The following DMXL1 variants were observed in gnomAD, a reference collection of about 807,000 sequenced individuals.
The protein encoded by DMXL1 is Dmx like 1, also known as dmX-like protein 1.
Under a neutral mutation model 319.2 loss-of-function variants are expected in DMXL1, and 99 were observed. That is an observed-to-expected ratio of 0.31 (90% CI 0.26 to 0.37). DMXL1 has a LOEUF of 0.37. Among genes scored for constraint, DMXL1 ranks in the 10% least tolerant of loss-of-function variants. DMXL1 has a pLI of 1.00. For synonymous variants in DMXL1, 1,385 were observed against 1,235.2 expected (o/e 1.12, Z -2.54); for missense variants, 3,745 against 3,595.6 (o/e 1.04, Z -1.06).
In DMXL1 at chr5:119,152,013, ATCGAGC is replaced by A; in HGVS notation, c.4682_4687del (p.Arg1561_Ala1562del). The A allele has an allele frequency of 1.2e-6, 2 of 1,612,232 alleles. No individual in the cohort carries two copies. Among genetic ancestry groups the A allele is most frequent in the Non-Finnish European group, 1.7e-6 (2 of 1,178,896 alleles). On this transcript the variant is annotated inframe_deletion, in exon 19 of 44. Transcript: ENST00000539542. The stretch of plus-strand genomic sequence containing the variant: ...TTTCTTACAACTTCCCTTCCAGCCT[ATCGAGC>A]TCAACTCCTTCACCAAGGTGATTTT...
chr5:119,197,419 G>A (rs1397543022), intron 31 of DMXL1, among the ~76,000 whole-genome samples: 3 of 152,218 alleles, frequency 2.0e-5, no homozygotes, highest in Admixed American at 1.3e-4. Context: ...CATGCAGCCT[G>A]TGGGCCATGG....
At chr5:119,097,514 A>G (rs924923601) in intron 1 of DMXL1, among the ~76,000 whole-genome samples, 2 of 151,966 alleles carry the variant, frequency 1.3e-5, no homozygotes, top group African/African-American at 4.8e-5. Flanking sequence ...TCAGGAGATC[A>G]AGACCATCCT....
At chr5:119,209,346 C>G (rs946578792) in intron 34 of DMXL1, among the ~76,000 whole-genome samples, 1 of 138,568 alleles carries the variant, frequency 7.2e-6, no homozygotes, top group African/African-American at 2.6e-5. Context: ...AAATCCCATT[C>G]TATTTTTTTT....
chr5:119,245,988 TTAGAG>T (rs941240550), intron 43 of DMXL1, among the ~76,000 whole-genome samples: 10 of 152,240 alleles, frequency 6.6e-5, no homozygotes, highest in Non-Finnish European at 1.2e-4. Context: ...AATGAATTTC[TTAGAG>T]TAAAGAAACG....
intron 13 of DMXL1, among the ~76,000 whole-genome samples, chr5:119,142,745 A>G (rs1227327697): frequency 6.6e-6 from 1 of 152,096 alleles, no homozygotes; most frequent in Non-Finnish European, 1.5e-5. Context: ...GCAAATGTTC[A>G]TTGCAGCATT....
intron 20 of DMXL1, 66 bp downstream of exon 20, chr5:119,164,742 C>G (rs554137603): frequency 1.4e-6 from 2 of 1,403,206 alleles, no homozygotes; most frequent in East Asian, 2.4e-5. Flanking sequence ...AATGGCATTT[C>G]ATATCTTCTC....
intron 2 of DMXL1, among the ~76,000 whole-genome samples, chr5:119,099,469 A>T (rs1259993398): frequency 6.6e-6 from 1 of 152,142 alleles, no homozygotes; most frequent in Non-Finnish European, 1.5e-5. Flanking sequence ...TTGGCCTCCC[A>T]AAGTGCTGGG....
Position 119,116,221 on chromosome 5 carries a change from G to A in DMXL1, c.628G>A (p.Asp210Asn). ...ENWRTAVTSP[D>N]GSSEKQSQGE... is the part of the protein sequence containing the mutation. The stretch of plus-strand genomic sequence containing the variant: ...CTGGCGGACAGCTGTTACTTCTCCA[G>A]ATGGAAGTTCAGAAAAACAATCCCA... Residue 210 changes from aspartate (D) to asparagine (N), a missense_variant, in exon 7 of 44, where the codon GAT becomes AAT. By Grantham distance (23) the Asp-to-Asn change is conservative (BLOSUM62 1). Coordinates refer to ENST00000539542, the MANE Select transcript of DMXL1 (RefSeq NM_001290321.3). 6.2e-7 allele frequency: 1 copy of A among 1,613,916 alleles called. No homozygotes were observed. The highest frequency in any genetic ancestry group is 8.5e-7 in the Non-Finnish European group (1 of 1,179,960).
rs1264160217 is a variant in DMXL1, at chr5:119,146,907, A to G, written c.2640A>G (p.Ser880=). The G allele has an allele frequency of 6.2e-7, 1 of 1,612,184 alleles. No individual in the cohort carries two copies. The highest frequency in any genetic ancestry group is 8.5e-7 in the Non-Finnish European group (1 of 1,178,878). Residue 880 remains serine (S), a synonymous_variant, in exon 16 of 44, where the codon TCA becomes TCG. Coordinates refer to ENST00000539542, the MANE Select transcript of DMXL1 (RefSeq NM_001290321.3). ...IVIECTQDNR[S]LLHMWNLHLK... ...TAGAATGCACTCAAGACAACCGTTC[A>G]CTGTTACACATGTGGAATTTACATC...
intron 1 of DMXL1, among the ~76,000 whole-genome samples, chr5:119,097,643 G>T (rs1756282013): frequency 6.6e-6 from 1 of 152,164 alleles, no homozygotes; most frequent in South Asian, 2.1e-4. Flanking sequence ...CGTGAACCTG[G>T]GAGGCGGAAC....
chr5:119,128,719 A>T (rs1173199019), intron 9 of DMXL1, among the ~76,000 whole-genome samples: 2 of 152,158 alleles, frequency 1.3e-5, no homozygotes, highest in Non-Finnish European at 2.9e-5. Flanking sequence ...ATATGGCTGT[A>T]CCTTTGAATT....
intron 1 of DMXL1, among the ~76,000 whole-genome samples, chr5:119,071,903 G>C (rs1749673945): frequency 6.6e-6 from 1 of 152,192 alleles, no homozygotes. Flanking sequence ...TTTTTGGTCT[G>C]TCTGCCTTGG....
At chr5:119,151,553 G>A (rs974644081) in intron 18 of DMXL1, among the ~76,000 whole-genome samples, 16 of 152,084 alleles carry the variant, frequency 1.1e-4, no homozygotes, top group African/African-American at 3.6e-4. Context: ...GTTTCTCCCA[G>A]TGTTAACAGC....
chr5:119,190,397 A>C (rs958279315), intron 29 of DMXL1, among the ~76,000 whole-genome samples: 1 of 152,226 alleles, frequency 6.6e-6, no homozygotes, highest in Non-Finnish European at 1.5e-5. Flanking sequence ...TCTAGAAATC[A>C]CTTCGTAAAT....
At chr5:119,202,221 C>T (rs1041594571) in intron 32 of DMXL1, among the ~76,000 whole-genome samples, 3 of 152,136 alleles carry the variant, frequency 2.0e-5, no homozygotes, top group South Asian at 2.1e-4. Flanking sequence ...GTGAATTTCC[C>T]TCTTAATGCT....
Position 119,115,584 on chromosome 5 carries a change from G to C in DMXL1, c.565-574G>C, listed in dbSNP as rs1760664700. ...CTGTTTATTCTGATTGACTTTACAGGTGGGAACTCAGTTATAGCTTAAAAG... is the reference window on the plus strand; with the variant it reads ...CTGTTTATTCTGATTGACTTTACAGCTGGGAACTCAGTTATAGCTTAAAAG... On this transcript the variant is annotated intron_variant, in intron 6 of 43. Transcript: ENST00000539542. Among the ~76,000 whole-genome samples, 5 of 152,108 alleles carry C rather than the reference G, an allele frequency of 3.3e-5. No homozygotes were observed. In the South Asian group the frequency reaches 1.0e-3, roughly 31 times the overall value.
chr5:119,116,178 T>G lies in DMXL1; in HGVS notation c.585T>G (p.Val195=), dbSNP rs76268053. 0.011 allele frequency: 17,345 copies of G among 1,611,728 alleles called. 757 individuals are homozygous for G. In the African/African-American group the frequency reaches 0.13, roughly 12 times the overall value. ...CTTAGGATGACTGTCTTTTGAAGGT[T>G]TGGTATAATGTAGAAAACTGGCGGA... ...TAGKDDCLLK[V]WYNVENWRTA... The change falls in exon 7 of 44, where the codon GTT becomes GTG. Residue 195 remains valine, a synonymous_variant. Transcript: ENST00000539542.
rs540790750 is a variant in DMXL1, at chr5:119,158,894, G to T, written c.4703-5613G>T. Reference sequence around the variant, plus strand: ...TGTTAATTTGGTTTGCTGGTATTTTGTGGGGGGTTTTACATTTGTATTTAT... The same window carrying T: ...TGTTAATTTGGTTTGCTGGTATTTTTTGGGGGGTTTTACATTTGTATTTAT... On this transcript the variant is annotated intron_variant, in intron 19 of 43. Transcript: ENST00000539542. 3.9e-5 allele frequency among the ~76,000 whole-genome samples: 6 copies of T among 152,248 alleles called. No homozygotes were observed. In the South Asian group the frequency reaches 8.3e-4, roughly 21 times the overall value.
rs766357041 is a variant in DMXL1, at chr5:119,149,388, G to A, written c.3561G>A (p.Glu1187=). ...AAACCCTGGCATTTCCTCTCTGGGA[G>A]AGTACCAAAGTTGTGCCCCTTTCTA... ...GKETLAFPLW[E]STKVVPLSKF... is the part of the protein sequence containing the mutation. The change falls in exon 18 of 44, where the codon GAG becomes GAA. Residue 1187 remains glutamate, a synonymous_variant. Transcript: ENST00000539542. 6.2e-7 allele frequency: 1 copy of A among 1,613,902 alleles called. No individual in the cohort carries two copies. The highest frequency in any genetic ancestry group is 8.5e-7 in the Non-Finnish European group (1 of 1,179,874).
Sources: gnomAD v4.1 joint callset for allele counts (sites outside exome capture counted in the v4.1 genomes callset) on GRCh38, gnomAD v4.1.1 for gene constraint, MANE v1.5 for transcripts, NCBI Gene and HGNC (gene_info 2026-07-23, HGNC 2026-07-21) for gene names.